KCNQ5: variants seen among roughly 807,000 people sequenced by gnomAD.
KCNQ5 encodes the protein potassium voltage-gated channel subfamily Q member 5, also known as potassium voltage-gated channel subfamily KQT member 5.
In KCNQ5, 30 loss-of-function variants were observed where a neutral mutation model predicts 98.2. The observed-to-expected ratio is 0.31, with a 90% CI of 0.23 to 0.41. The LOEUF (loss-of-function observed/expected upper bound fraction) is 0.41, where lower values mean the gene tolerates loss of function less well. Among genes scored for constraint, KCNQ5 ranks in the 10% least tolerant of loss-of-function variants. The pLI is 1.00. For synonymous variants in KCNQ5, 458 were observed against 449.4 expected (o/e 1.02, Z -0.24); for missense variants, 835 against 1,182.5 (o/e 0.71, Z 4.31).
intron 12 of KCNQ5, among the ~76,000 whole-genome samples, chr6:73,192,255 T>G (rs1765619464): frequency 6.6e-6 from 1 of 152,232 alleles, no homozygotes; most frequent in African/African-American, 2.4e-5. Flanking sequence ...TTTTGTCATA[T>G]TTTGAAATGG....
At chr6:72,656,726 A>G (rs1766210716) in intron 1 of KCNQ5, among the ~76,000 whole-genome samples, 1 of 152,118 alleles carries the variant, frequency 6.6e-6, no homozygotes, top group Non-Finnish European at 1.5e-5. Flanking sequence ...TTTATGCTCT[A>G]TGAGGGTTTC....
At chr6:72,633,980 G>T (rs953090951) in intron 1 of KCNQ5, among the ~76,000 whole-genome samples, 2 of 152,156 alleles carry the variant, frequency 1.3e-5, no homozygotes, top group Admixed American at 6.5e-5. Context: ...CCTTGGCAAA[G>T]AATTTTTGAC....
At chr6:72,669,813 A>C (rs1322485437) in intron 1 of KCNQ5, among the ~76,000 whole-genome samples, 1 of 151,902 alleles carries the variant, frequency 6.6e-6, no homozygotes, top group Non-Finnish European at 1.5e-5. Flanking sequence ...GGCTGATTAC[A>C]TTCATGAATT....
At chr6:72,997,664 T>C (rs1489228949) in intron 1 of KCNQ5, among the ~76,000 whole-genome samples, 1 of 150,220 alleles carries the variant, frequency 6.7e-6, no homozygotes, top group African/African-American at 2.5e-5. Flanking sequence ...GCACCTGTAG[T>C]CCCAGCTACT....
intron 1 of KCNQ5, among the ~76,000 whole-genome samples, chr6:72,900,850 G>A (rs1269754773): frequency 6.6e-6 from 1 of 151,952 alleles, no homozygotes; most frequent in Non-Finnish European, 1.5e-5. Flanking sequence ...ATTCTTGCAG[G>A]AATAAGGTGG....
chr6:72,768,538 A>G (rs1402685544), intron 1 of KCNQ5, among the ~76,000 whole-genome samples: 1 of 152,106 alleles, frequency 6.6e-6, no homozygotes, highest in Non-Finnish European at 1.5e-5. Context: ...TTGATGGTAC[A>G]AATGGGAGAT....
At chr6:72,669,353 G>A (rs1451811722) in intron 1 of KCNQ5, among the ~76,000 whole-genome samples, 1 of 152,188 alleles carries the variant, frequency 6.6e-6, no homozygotes, top group Non-Finnish European at 1.5e-5. Context: ...AACTTAGCAA[G>A]GCAAATTTCC....
At position 73,120,484 on chromosome 6, in the gene KCNQ5, G is replaced by A. The variant is rs1309897809; in HGVS notation, c.1127G>A (p.Cys376Tyr). ...RRNPAANLIQ[C>Y]VWRSYAADEK... ...TGTCCCCATCTATGCCACATGCAGT[G>A]TGTTTGGCGTAGTTACGCAGCTGAT... Residue 376 changes from cysteine (C) to tyrosine (Y), a missense_variant and splice_region_variant, in exon 8 of 14, where the codon TGT becomes TAT. This residue lies in a region of KCNQ5 where 146 missense variants were observed against 256.7 expected (regional missense o/e 0.57). Transcript: ENST00000370398. 1 of 1,608,582 alleles carries A rather than the reference G, an allele frequency of 6.2e-7. No individual in the cohort carries two copies. Among genetic ancestry groups the A allele is most frequent in the Non-Finnish European group, 8.5e-7 (1 of 1,176,312 alleles).
chr6:72,629,373 G>A (rs925196854), intron 1 of KCNQ5, among the ~76,000 whole-genome samples: 2 of 148,912 alleles, frequency 1.3e-5, no homozygotes, highest in African/African-American at 2.4e-5. Flanking sequence ...ATACTGTGCT[G>A]ATATATAAAA....
At chr6:72,639,039 AC>A (rs1252587992) in intron 1 of KCNQ5, among the ~76,000 whole-genome samples, 1 of 152,206 alleles carries the variant, frequency 6.6e-6, no homozygotes, top group Admixed American at 6.5e-5. Context: ...TAGGTAAAGA[AC>A]AAGCACAAGT....
chr6:72,997,064 C>T (rs181992292), intron 1 of KCNQ5, among the ~76,000 whole-genome samples: 1 of 152,268 alleles, frequency 6.6e-6, no homozygotes, highest in East Asian at 1.9e-4. Flanking sequence ...AACGGTAGAG[C>T]TGTCTGTAAC....
At chr6:73,046,081 A>G (rs976766217) in intron 3 of KCNQ5, among the ~76,000 whole-genome samples, 1 of 152,172 alleles carries the variant, frequency 6.6e-6, no homozygotes, top group Non-Finnish European at 1.5e-5. Flanking sequence ...TAATATATCT[A>G]TGATTTCATC....
intron 1 of KCNQ5, among the ~76,000 whole-genome samples, chr6:72,941,931 C>T (rs1766332566): frequency 6.6e-6 from 1 of 152,050 alleles, no homozygotes; most frequent in Admixed American, 6.6e-5. Context: ...GATAAGTGTT[C>T]TGAGCAAACA....
intron 1 of KCNQ5, among the ~76,000 whole-genome samples, chr6:72,725,161 T>C (rs918246775): frequency 1.3e-5 from 2 of 152,188 alleles, no homozygotes; most frequent in African/African-American, 4.8e-5. Context: ...GAATTTGGTA[T>C]CCTTTCAAAT....
chr6:72,902,509 A>G (rs1455247799), intron 1 of KCNQ5, among the ~76,000 whole-genome samples: 1 of 152,158 alleles, frequency 6.6e-6, no homozygotes, highest in East Asian at 1.9e-4. Flanking sequence ...AAATTGAAGT[A>G]TGTCCTGTAT....
chr6:72,881,554 T>G (rs1019237780), intron 1 of KCNQ5, among the ~76,000 whole-genome samples: 7 of 152,176 alleles, frequency 4.6e-5, no homozygotes, highest in Non-Finnish European at 8.8e-5. Context: ...TTCAAAGAGA[T>G]TTCAGTGTAC....
At chr6:72,802,758 C>G (rs1202448831) in intron 1 of KCNQ5, among the ~76,000 whole-genome samples, 1 of 152,118 alleles carries the variant, frequency 6.6e-6, no homozygotes, top group Non-Finnish European at 1.5e-5. Flanking sequence ...GAAAATAGAG[C>G]AGAGGCCTGA....
chr6:73,007,953 T>A (rs144024189), intron 2 of KCNQ5, among the ~76,000 whole-genome samples: 95 of 152,278 alleles, frequency 6.2e-4, no homozygotes, highest in African/African-American at 2.2e-3. Flanking sequence ...TATGTGACAT[T>A]AATAACTGAA....
chr6:72,776,217 G>C (rs1040719128), intron 1 of KCNQ5, among the ~76,000 whole-genome samples: 1 of 152,152 alleles, frequency 6.6e-6, no homozygotes, highest in Non-Finnish European at 1.5e-5. Flanking sequence ...CCAACATCAA[G>C]TTATTAACAA....
Sources: allele counts gnomAD v4.1 joint callset (sites outside exome capture counted in the v4.1 genomes callset), GRCh38; gene constraint gnomAD v4.1.1; regional missense constraint gnomAD v4.1.1; transcripts MANE v1.5; gene names NCBI Gene and HGNC (gene_info 2026-07-23, HGNC 2026-07-21).